The following CYTH3 variants were observed in gnomAD, a reference collection of about 807,000 sequenced individuals.
CYTH3 encodes the protein cytohesin-3.
CYTH3 carries 23 observed loss-of-function variants against 55.1 expected under a neutral mutation model. That is an observed-to-expected ratio of 0.42 (90% CI 0.30 to 0.59). The LOEUF is 0.59. Among genes scored for constraint, CYTH3 ranks in the 20% least tolerant of loss-of-function variants. CYTH3 has a pLI of 0.20. For missense variants in CYTH3, 413 were observed against 524.8 expected (o/e 0.79, Z 2.08); for synonymous variants, 249 against 194.9 (o/e 1.28, Z -2.31).
intron 1 of CYTH3, chr7:6,212,824 C>G (rs1784350791): frequency 1.3e-5 from 2 of 152,204 alleles, no homozygotes; most frequent in African/African-American, 4.8e-5. Context: ...CATGAACACT[C>G]TGATGGCTTC....
chr7:6,175,545 CTTTTTT>C (rs1177188782), intron 5 of CYTH3, among the ~76,000 whole-genome samples: 2 of 89,004 alleles, frequency 2.2e-5, no homozygotes, highest in Non-Finnish European at 4.1e-5. Context: ...ACACTTTAGT[CTTTTTT>C]TTTTTTTTTT....
chr7:6,184,772 T>C (rs1415612431), intron 4 of CYTH3, among the ~76,000 whole-genome samples: 1 of 152,092 alleles, frequency 6.6e-6, no homozygotes, highest in Non-Finnish European at 1.5e-5. Flanking sequence ...GAGATGGAGT[T>C]TCACCATGTT....
intron 1 of CYTH3, among the ~76,000 whole-genome samples, chr7:6,246,232 ATTTT>A (rs113021891): frequency 1.4e-5 from 2 of 141,416 alleles, no homozygotes; most frequent in Non-Finnish European, 3.1e-5. Flanking sequence ...CACCTGGATA[ATTTT>A]TTTTTTTTTT....
At chr7:6,265,692 G>A (rs1033663140) in intron 1 of CYTH3, among the ~76,000 whole-genome samples, 1 of 151,966 alleles carries the variant, frequency 6.6e-6, no homozygotes, top group Non-Finnish European at 1.5e-5. Flanking sequence ...GCCATGGTAA[G>A]GTGGTCTGAG....
chr7:6,257,114 T>C (rs530683331), intron 1 of CYTH3, among the ~76,000 whole-genome samples: 2 of 152,320 alleles, frequency 1.3e-5, no homozygotes, highest in Admixed American at 1.3e-4. Flanking sequence ...GAAGATTTTT[T>C]TTTACATAAG....
chr7:6,259,670 T>C (rs1780227764), intron 1 of CYTH3, among the ~76,000 whole-genome samples: 1 of 136,954 alleles, frequency 7.3e-6, no homozygotes, highest in Non-Finnish European at 1.5e-5. Context: ...TGGAGAGTCA[T>C]GTATTTTCTA....
chr7:6,170,994 G>T lies in CYTH3; in HGVS notation c.563-16C>A. On this transcript the variant is annotated splice_polypyrimidine_tract_variant and intron_variant, in intron 7 of 12. Coordinates refer to ENST00000350796, the MANE Select transcript of CYTH3 (RefSeq NM_004227.4). This position sits in a 1 kb window ranked among gnomAD's most constrained non-coding sequence, Gnocchi z 7.8. Reference sequence around the variant, plus strand: ...TAGCACGTGTCTGCAACGAGTCCGGGGTGCTGGGCTCAGCCAGAACCTCCA... The same window carrying T: ...TAGCACGTGTCTGCAACGAGTCCGGTGTGCTGGGCTCAGCCAGAACCTCCA... 6.2e-7 allele frequency: 1 copy of T among 1,613,272 alleles called. No individual in the cohort carries two copies. Among genetic ancestry groups the T allele is most frequent in the Non-Finnish European group, 8.5e-7 (1 of 1,179,806 alleles).
At chr7:6,177,774 G>T in intron 5 of CYTH3, 49 bp downstream of exon 5, 3 of 1,424,736 alleles carry the variant, frequency 2.1e-6, no homozygotes, top group South Asian at 1.2e-5. Context: ...AGGTCAAGCT[G>T]CAGGGCTGAG....
At position 6,207,086 on chromosome 7, in the gene CYTH3, CTTTTTTTTTT is replaced by C. The variant is rs58910123; in HGVS notation, c.35-16565_35-16556del. On this transcript the variant is annotated intron_variant, in intron 1 of 12. Transcript: ENST00000350796. ...ATTTCACAGAAATTAAAATGTGCAACTTTTTTTTTTTTTTTTTTTTTTTTTTGAGACGGAG... is the reference window on the plus strand; with the variant it reads ...ATTTCACAGAAATTAAAATGTGCAACTTTTTTTTTTTTTTTTGAGACGGAG... Among the ~76,000 whole-genome samples the C allele has an allele frequency of 4.2e-4, 44 of 104,094 alleles. No individual in the cohort carries two copies. The East Asian group carries it at 0.012, about 29-fold the overall frequency. The allele number at this position is 104,094 out of a possible 152,430, so 68.3% of individuals were successfully genotyped here. A position where few individuals can be genotyped will look rare whatever the true frequency, so the allele number is the denominator to read the frequency against.
chr7:6,189,105 A>C (rs960858215), intron 2 of CYTH3, among the ~76,000 whole-genome samples: 5 of 152,132 alleles, frequency 3.3e-5, no homozygotes, highest in Non-Finnish European at 7.4e-5. Flanking sequence ...TCCATGTCTG[A>C]TTGACTTTCC....
At chr7:6,187,548 G>T in intron 3 of CYTH3, 109 bp downstream of exon 3, 1 of 963,378 alleles carries the variant, frequency 1.0e-6, no homozygotes, top group South Asian at 1.3e-5. Context: ...CAACTCCACA[G>T]GCTCCCCACA....
intron 4 of CYTH3, among the ~76,000 whole-genome samples, chr7:6,178,927 T>A (rs1017996221): frequency 1.3e-5 from 2 of 152,186 alleles, no homozygotes; most frequent in Non-Finnish European, 2.9e-5. Flanking sequence ...TTTCAAAATA[T>A]GTGTTGGCAA....
rs143257126 is a variant in CYTH3, at chr7:6,244,217, G to A, written c.34+28257C>T. On this transcript the variant is annotated intron_variant, in intron 1 of 12. Coordinates refer to ENST00000350796, the MANE Select transcript of CYTH3 (RefSeq NM_004227.4). ...AGAATGTTACCAAAGCAACAAAACA[G>A]CCTGGGGGGAAAAAAACAGGTTTTC... Among the ~76,000 whole-genome samples, 34 of 152,254 alleles carry A rather than the reference G, an allele frequency of 2.2e-4. 1 individual carries two copies. The highest frequency in any genetic ancestry group is 2.9e-5 in the Non-Finnish European group (2 of 68,002).
chr7:6,262,223 T>C (rs1460200337), intron 1 of CYTH3, among the ~76,000 whole-genome samples: 3 of 152,146 alleles, frequency 2.0e-5, no homozygotes, highest in Non-Finnish European at 2.9e-5. Flanking sequence ...GCATGTTTAA[T>C]GCACAGGTAA....
intron 1 of CYTH3, among the ~76,000 whole-genome samples, chr7:6,266,938 T>C (rs1249311859): frequency 6.6e-6 from 1 of 152,196 alleles, no homozygotes; most frequent in Admixed American, 6.5e-5. Flanking sequence ...AAATCTCATG[T>C]TGAACTGTAA....
intron 1 of CYTH3, among the ~76,000 whole-genome samples, chr7:6,250,369 G>C (rs1336041287): frequency 6.6e-6 from 1 of 152,166 alleles, no homozygotes; most frequent in Non-Finnish European, 1.5e-5. Context: ...GAAAACACAA[G>C]CAAACCTAAA....
At chr7:6,199,114 G>T (rs1784003490) in intron 1 of CYTH3, among the ~76,000 whole-genome samples, 1 of 152,244 alleles carries the variant, frequency 6.6e-6, no homozygotes, top group Non-Finnish European at 1.5e-5. Context: ...AAAGGGTGCT[G>T]CCAGTGAAGC....
At position 6,259,827 on chromosome 7, in the gene CYTH3, TA is replaced by T. The variant is rs1472968226; in HGVS notation, c.34+12646del. Among the ~76,000 whole-genome samples the T allele has an allele frequency of 4.2e-4, 10 of 23,852 alleles. 1 individual carries two copies. The highest frequency in any genetic ancestry group is 1.4e-3 in the South Asian group (1 of 700). 15.6% of individuals were successfully genotyped at this position (23,852 alleles called of 152,430 possible). A position where few individuals can be genotyped will look rare whatever the true frequency, so the allele number is the denominator to read the frequency against. On this transcript the variant is annotated intron_variant, in intron 1 of 12. Coordinates refer to ENST00000350796, the MANE Select transcript of CYTH3 (RefSeq NM_004227.4). ...TATATATATATAATATATATATATA[TA>T]TATATTTTTTTTTTTTTTTAAGACG...
At chr7:6,184,706 G>A (rs1033733318) in intron 4 of CYTH3, among the ~76,000 whole-genome samples, 1 of 152,110 alleles carries the variant, frequency 6.6e-6, no homozygotes, top group Non-Finnish European at 1.5e-5. Flanking sequence ...AGCCTCCCGA[G>A]TAGCTGGGAC....
Sources: allele counts gnomAD v4.1 joint callset (sites outside exome capture counted in the v4.1 genomes callset), GRCh38; gene constraint gnomAD v4.1.1; non-coding constraint Gnocchi (gnomAD v3.1); transcripts MANE v1.5; gene names NCBI Gene and HGNC (gene_info 2026-07-23, HGNC 2026-07-21).